KCNN2: variants seen among roughly 807,000 people sequenced by gnomAD.
KCNN2 encodes the protein potassium calcium-activated channel subfamily N member 2.
In KCNN2, 24 loss-of-function variants were observed where a neutral mutation model predicts 55.5. The observed-to-expected ratio is 0.43, with a 90% CI of 0.31 to 0.61. The LOEUF (loss-of-function observed/expected upper bound fraction) is 0.61. KCNN2 is among the 20% of genes least tolerant of loss of function. The pLI, the probability that KCNN2 is intolerant of heterozygous loss-of-function variation, is 0.08. For synonymous variants in KCNN2, 431 were observed against 336.1 expected (o/e 1.28, Z -3.09); for missense variants, 754 against 853.6 (o/e 0.88, Z 1.45).
intron 1 of KCNN2, among the ~76,000 whole-genome samples, chr5:114,184,470 C>G (rs73779740): frequency 0.025 from 3,794 of 152,182 alleles, 147 homozygotes; most frequent in African/African-American, 0.086. Context: ...AATTAACAAG[C>G]ATTATGCCAT....
chr5:114,453,029 G>A (rs1466927604), intron 3 of KCNN2, among the ~76,000 whole-genome samples: 1 of 152,122 alleles, frequency 6.6e-6, no homozygotes, highest in Non-Finnish European at 1.5e-5. Flanking sequence ...GGTGGACACG[G>A]CAATATCAGC....
At chr5:114,059,933 G>T (rs895380893) in intron 1 of KCNN2, among the ~76,000 whole-genome samples, 16 of 152,186 alleles carry the variant, frequency 1.1e-4, no homozygotes, top group African/African-American at 3.9e-4. Context: ...TCAGGCTGTT[G>T]GTACAAGTGG....
intron 2 of KCNN2, among the ~76,000 whole-genome samples, chr5:114,241,903 A>G (rs1431462461): frequency 6.8e-6 from 1 of 146,558 alleles, no homozygotes; most frequent in Non-Finnish European, 1.5e-5. Flanking sequence ...AGATATACAT[A>G]TTGGACTATT....
At chr5:114,097,670 C>T (rs1262543423) in intron 1 of KCNN2, among the ~76,000 whole-genome samples, 1 of 152,144 alleles carries the variant, frequency 6.6e-6, no homozygotes, top group Non-Finnish European at 1.5e-5. Context: ...GCAAACAAAG[C>T]ATATAAAGTT....
chr5:114,181,273 G>A (rs926881333), intron 1 of KCNN2, among the ~76,000 whole-genome samples: 5 of 152,110 alleles, frequency 3.3e-5, no homozygotes, highest in Admixed American at 1.3e-4. Context: ...GTTTGTTCTC[G>A]TGAGTCTTTA....
chr5:114,453,085 C>T (rs980019732), intron 3 of KCNN2, among the ~76,000 whole-genome samples: 1 of 152,174 alleles, frequency 6.6e-6, no homozygotes, highest in Admixed American at 6.5e-5. Context: ...ACTTGCCCTA[C>T]AGCCACATGG....
chr5:114,415,444 A>ATAT (rs1467026324), intron 3 of KCNN2, among the ~76,000 whole-genome samples: 1 of 152,220 alleles, frequency 6.6e-6, no homozygotes, highest in Non-Finnish European at 1.5e-5. Flanking sequence ...TGTATTATAT[A>ATAT]TATTGTCATA....
intron 3 of KCNN2, among the ~76,000 whole-genome samples, chr5:114,414,332 G>T (rs768118673): frequency 6.6e-6 from 1 of 152,098 alleles, no homozygotes. Flanking sequence ...AGAATTAAAT[G>T]GGGAATGAGG....
intron 1 of KCNN2, among the ~76,000 whole-genome samples, chr5:114,211,834 C>A (rs1452573732): frequency 6.6e-6 from 1 of 151,864 alleles, no homozygotes; most frequent in Non-Finnish European, 1.5e-5. Flanking sequence ...AATGTTCAGA[C>A]TTTTATTTGG....
chr5:114,440,895 A>C (rs561025019), intron 3 of KCNN2, among the ~76,000 whole-genome samples: 146 of 137,036 alleles, frequency 1.1e-3, no homozygotes, highest in African/African-American at 3.5e-3. Flanking sequence ...GATGTTAGTG[A>C]TCACAATAAA....
intron 1 of KCNN2, among the ~76,000 whole-genome samples, chr5:114,118,719 C>T (rs1751769058): frequency 6.6e-6 from 1 of 152,198 alleles, no homozygotes; most frequent in Non-Finnish European, 1.5e-5. Flanking sequence ...TCTTGGCATC[C>T]TGTGGCCCAG....
At chr5:114,256,232 T>A (rs995994355) in intron 2 of KCNN2, among the ~76,000 whole-genome samples, 1 of 151,868 alleles carries the variant, frequency 6.6e-6, no homozygotes, top group African/African-American at 2.4e-5. Flanking sequence ...TGTGTATATA[T>A]ATATATCTAC....
intron 2 of KCNN2, among the ~76,000 whole-genome samples, chr5:114,314,294 G>C (rs987949099): frequency 6.6e-6 from 1 of 152,078 alleles, no homozygotes; most frequent in Non-Finnish European, 1.5e-5. Context: ...TGGAACATTT[G>C]TTTCAATTGA....
chr5:114,301,257 T>C lies in KCNN2; in HGVS notation c.-184-59688T>C, dbSNP rs1216877442. On this transcript the variant is annotated intron_variant, in intron 2 of 10. Coordinates refer to the KCNN2 transcript ENST00000512097. Reference sequence around the variant, plus strand: ...TTATTTAATCTTTGTCTTTGTATCCTTTTCTGTAAAAGGGGAATGAAAAAC... The same window carrying C: ...TTATTTAATCTTTGTCTTTGTATCCCTTTCTGTAAAAGGGGAATGAAAAAC... Among the ~76,000 whole-genome samples the C allele has an allele frequency of 2.6e-5, 4 of 152,290 alleles. No individual in the cohort carries two copies. The East Asian group carries it at 5.8e-4, about 22-fold the overall frequency.
At chr5:114,488,018 T>C (rs1747657352) in intron 6 of KCNN2, among the ~76,000 whole-genome samples, 1 of 152,188 alleles carries the variant, frequency 6.6e-6, no homozygotes. Flanking sequence ...CCAACTAGTA[T>C]AACAGGCAAG....
intron 2 of KCNN2, among the ~76,000 whole-genome samples, chr5:114,304,886 G>T (rs779701399): frequency 2.6e-5 from 4 of 152,118 alleles, no homozygotes; most frequent in Non-Finnish European, 5.9e-5. Context: ...GAGTGTTAAG[G>T]GTTTTGAGTT....
intron 1 of KCNN2, among the ~76,000 whole-genome samples, chr5:114,075,689 C>T (rs894671665): frequency 2.6e-5 from 4 of 151,800 alleles, no homozygotes; most frequent in African/African-American, 9.7e-5. Flanking sequence ...GTCCTTATTC[C>T]TTGAATCTGG....
At chr5:114,315,148 T>G (rs1196625464) in intron 2 of KCNN2, among the ~76,000 whole-genome samples, 3 of 152,172 alleles carry the variant, frequency 2.0e-5, no homozygotes, top group Admixed American at 2.0e-4. Context: ...CAGGAAGACT[T>G]GAGCACCTTC....
intron 3 of KCNN2, among the ~76,000 whole-genome samples, chr5:114,427,639 C>T (rs770673699): frequency 2.6e-5 from 4 of 152,212 alleles, no homozygotes; most frequent in Non-Finnish European, 5.9e-5. Context: ...CTCATTTCTC[C>T]TGGAACATTT....
Sources: allele counts gnomAD v4.1 joint callset (sites outside exome capture counted in the v4.1 genomes callset), GRCh38; gene constraint gnomAD v4.1.1; transcripts MANE v1.5; gene names NCBI Gene and HGNC (gene_info 2026-07-23, HGNC 2026-07-21).